PALM2AKAP2: variants seen among roughly 807,000 people sequenced by gnomAD.
PALM2AKAP2 encodes PALM2 and AKAP2 fusion.
A neutral mutation model predicts 71.5 loss-of-function variants in PALM2AKAP2; 37 were observed. The ratio of observed to expected loss-of-function variants is 0.52; its 90% confidence interval spans 0.40 to 0.68. The LOEUF (loss-of-function observed/expected upper bound fraction) is 0.68. PALM2AKAP2 is among the 30% of genes least tolerant of loss of function. The probability of loss-of-function intolerance (pLI) is 0.00; values close to 1 mark genes in which losing one functional copy is unlikely to be tolerated. For synonymous variants in PALM2AKAP2, 468 were observed against 478.8 expected (o/e 0.98, Z 0.29); for missense variants, 1,224 against 1,191.8 (o/e 1.03, Z -0.40).
intron 7 of PALM2AKAP2, among the ~76,000 whole-genome samples, chr9:110,020,752 T>C (rs182115013): frequency 8.7e-4 from 133 of 152,082 alleles, no homozygotes; most frequent in African/African-American, 3.1e-3. Context: ...TTTACAGCAG[T>C]GTGAAAATGG....
chr9:109,691,337 G>A (rs1320256819), intron 1 of PALM2AKAP2, among the ~76,000 whole-genome samples: 1 of 151,890 alleles, frequency 6.6e-6, no homozygotes, highest in Non-Finnish European at 1.5e-5. Context: ...TTTCCTCTTT[G>A]AATATTCTAC....
intron 1 of PALM2AKAP2, among the ~76,000 whole-genome samples, chr9:109,710,655 T>A (rs529833626): frequency 6.6e-6 from 1 of 152,154 alleles, no homozygotes; most frequent in African/African-American, 2.4e-5. Flanking sequence ...GATGACAGAG[T>A]ACAGTGCTTG....
At chr9:109,898,495 T>C (rs6477730) in intron 3 of PALM2AKAP2, among the ~76,000 whole-genome samples, 111,892 of 152,148 alleles carry the variant, frequency 0.74, 41,440 homozygotes, top group East Asian at 0.84. Flanking sequence ...CAGTCTTGCC[T>C]GGACTGGTTC....
chr9:109,647,413 A>G (rs376033677), intron 1 of PALM2AKAP2, among the ~76,000 whole-genome samples: 10 of 152,228 alleles, frequency 6.6e-5, no homozygotes, highest in African/African-American at 1.9e-4. Context: ...CAATGCTACA[A>G]TGAACATCCT....
upstream of PALM2AKAP2, among the ~76,000 whole-genome samples, chr9:110,047,153 C>A (rs901940150): frequency 2.8e-4 from 43 of 152,178 alleles, no homozygotes; most frequent in African/African-American, 1.0e-3. Flanking sequence ...GCATCTCTAA[C>A]CACTGGTCAG....
At chr9:110,083,073 G>A (rs1370014161) in intron 1 of PALM2AKAP2, among the ~76,000 whole-genome samples, 1 of 152,126 alleles carries the variant, frequency 6.6e-6, no homozygotes, top group Non-Finnish European at 1.5e-5. Flanking sequence ...CCTGGGAGGC[G>A]GAGGTTGTGG....
intron 1 of PALM2AKAP2, among the ~76,000 whole-genome samples, chr9:110,111,608 A>G (rs572514552): frequency 6.6e-6 from 1 of 152,354 alleles, no homozygotes; most frequent in Admixed American, 6.5e-5. Flanking sequence ...AATTGCTAAG[A>G]TGAGAAAAAG....
chr9:109,899,285 C>T (rs140552286), intron 3 of PALM2AKAP2, among the ~76,000 whole-genome samples: 171 of 152,328 alleles, frequency 1.1e-3, no homozygotes, highest in Admixed American at 2.2e-3. Flanking sequence ...GAAATCAGGA[C>T]ATTGTCCTTG....
At chr9:110,023,967 A>C (rs1253305355) in intron 7 of PALM2AKAP2, among the ~76,000 whole-genome samples, 2 of 152,076 alleles carry the variant, frequency 1.3e-5, no homozygotes, top group Non-Finnish European at 2.9e-5. Context: ...AATAAAATAA[A>C]AATAAAAATA....
intron 7 of PALM2AKAP2, among the ~76,000 whole-genome samples, chr9:110,037,538 A>G (rs564032107): frequency 7.9e-5 from 12 of 152,332 alleles, no homozygotes; most frequent in African/African-American, 2.9e-4. Flanking sequence ...CACCTACTCT[A>G]TGCCAAGCTC....
chr9:110,155,534 C>T (rs139086277), intron 2 of PALM2AKAP2, among the ~76,000 whole-genome samples: 61 of 152,248 alleles, frequency 4.0e-4, no homozygotes, highest in African/African-American at 1.4e-3. Flanking sequence ...TAATCACTGA[C>T]CTCATCTCTC....
At chr9:109,704,502 G>C (rs1446815267) in intron 1 of PALM2AKAP2, among the ~76,000 whole-genome samples, 3 of 152,144 alleles carry the variant, frequency 2.0e-5, no homozygotes, top group Non-Finnish European at 4.4e-5. Flanking sequence ...TTAGAGGGAG[G>C]ATACTGCAGA....
intron 2 of PALM2AKAP2, among the ~76,000 whole-genome samples, chr9:110,154,693 A>C (rs1836404426): frequency 6.6e-6 from 1 of 152,238 alleles, no homozygotes; most frequent in South Asian, 2.1e-4. Flanking sequence ...TGGGTAATTT[A>C]GATCAAAGCA....
exon 4 of PALM2AKAP2, chr9:110,168,571 T>G: frequency 6.5e-7 from 1 of 1,532,840 alleles, no homozygotes. Flanking sequence ...CTGAAAGCAT[T>G]TTAATGGACT....
intron 1 of PALM2AKAP2, among the ~76,000 whole-genome samples, chr9:109,648,193 G>A (rs748349279): frequency 1.6e-4 from 25 of 152,126 alleles, no homozygotes; most frequent in Non-Finnish European, 3.2e-4. Flanking sequence ...GTTTCCTGAG[G>A]CCTCTCCAGC....
At chr9:110,034,438 GTGAACCACCACACCCAGCCTCTTTTGCA>G (rs1833342623) in intron 7 of PALM2AKAP2, among the ~76,000 whole-genome samples, 1 of 152,102 alleles carries the variant, frequency 6.6e-6, no homozygotes, top group South Asian at 2.1e-4. Flanking sequence ...GATTACAGGC[GTGAACCACCACACCCAGCCTCTTTTGCA>G]TGTTTCTTGG....
At chr9:109,940,148 A>C (rs911613025) in intron 6 of PALM2AKAP2, among the ~76,000 whole-genome samples, 8 of 152,190 alleles carry the variant, frequency 5.3e-5, no homozygotes, top group African/African-American at 1.9e-4. Context: ...GGTACCTGCT[A>C]TACAAATGGC....
Position 109,996,611 on chromosome 9 carries a change from C to T in PALM2AKAP2, c.497-19343C>T, listed in dbSNP as rs180823310. 2.2e-4 allele frequency among the ~76,000 whole-genome samples: 34 copies of T among 152,340 alleles called. No homozygotes were observed. In the East Asian group the frequency reaches 3.9e-3, roughly 17 times the overall value. Reference sequence around the variant, plus strand: ...TTCATATACAGAAGGATGTTTAAAACGCACCTTTGAGGGTAGGGTGTTGAA... The same window carrying T: ...TTCATATACAGAAGGATGTTTAAAATGCACCTTTGAGGGTAGGGTGTTGAA... On this transcript the variant is annotated intron_variant, in intron 6 of 9. Coordinates refer to the PALM2AKAP2 transcript ENST00000302798.
intron 1 of PALM2AKAP2, among the ~76,000 whole-genome samples, chr9:109,853,424 T>G (rs1829074111): frequency 6.6e-6 from 1 of 152,252 alleles, no homozygotes; most frequent in African/African-American, 2.4e-5. Context: ...CTGAGCATAC[T>G]CTTTGCTTTT....
Sources: allele counts gnomAD v4.1 joint callset (sites outside exome capture counted in the v4.1 genomes callset), GRCh38; gene constraint gnomAD v4.1.1; transcripts MANE v1.5; gene names NCBI Gene and HGNC (gene_info 2026-07-23, HGNC 2026-07-21).